The following ADGRB3 variants were observed in gnomAD, a reference collection of about 807,000 sequenced individuals.
ADGRB3 encodes brain-specific angiogenesis inhibitor 3.
Under a neutral mutation model 193.4 loss-of-function variants are expected in ADGRB3, and 37 were observed. That is an observed-to-expected ratio of 0.19 (90% confidence interval 0.15 to 0.25). The LOEUF (loss-of-function observed/expected upper bound fraction) is 0.25. Among genes scored for constraint, ADGRB3 ranks in the 10% least tolerant of loss-of-function variants. The probability of loss-of-function intolerance (pLI) is 1.00; values close to 1 mark genes in which losing one functional copy is unlikely to be tolerated. For missense variants in ADGRB3, 1,637 were observed against 1,852.9 expected (o/e 0.88, Z 2.14); for synonymous variants, 690 against 644.2 (o/e 1.07, Z -1.08).
chr6:69,108,353 T>C (rs1773272107), intron 17 of ADGRB3, among the ~76,000 whole-genome samples: 1 of 151,330 alleles, frequency 6.6e-6, no homozygotes, highest in African/African-American at 2.4e-5. Flanking sequence ...ATTTTAATAT[T>C]AGCTCCATTT....
intron 15 of ADGRB3, among the ~76,000 whole-genome samples, chr6:69,057,627 C>CCTT (rs1477985661): frequency 4.6e-4 from 70 of 151,918 alleles, no homozygotes; most frequent in African/African-American, 1.7e-3. Flanking sequence ...GTTCATTAAG[C>CCTT]GATTTTATCA....
chr6:69,180,609 A>C (rs1561944183), intron 17 of ADGRB3, among the ~76,000 whole-genome samples: 1 of 152,144 alleles, frequency 6.6e-6, no homozygotes, highest in Non-Finnish European at 1.5e-5. Context: ...GGCAACAATG[A>C]CATACACAGA....
At chr6:68,773,727 G>T (rs1258696693) in intron 3 of ADGRB3, among the ~76,000 whole-genome samples, 1 of 152,118 alleles carries the variant, frequency 6.6e-6, no homozygotes, top group African/African-American at 2.4e-5. Flanking sequence ...CAGATTTGGA[G>T]GATCAGGAAA....
At chr6:69,294,675 G>A (rs1484130484) in intron 20 of ADGRB3, among the ~76,000 whole-genome samples, 1 of 152,128 alleles carries the variant, frequency 6.6e-6, no homozygotes, top group East Asian at 1.9e-4. Flanking sequence ...TCCGTGCAGT[G>A]GGGCTGGAAA....
intron 10 of ADGRB3, among the ~76,000 whole-genome samples, chr6:68,978,746 G>A (rs556594646): frequency 2.1e-4 from 32 of 151,486 alleles, no homozygotes; most frequent in African/African-American, 6.5e-4. Context: ...TGGAGACTGT[G>A]CATTTTTCTC....
chr6:68,681,698 G>A (rs1228392459), intron 3 of ADGRB3, among the ~76,000 whole-genome samples: 1 of 151,124 alleles, frequency 6.6e-6, no homozygotes, highest in South Asian at 2.1e-4. Context: ...CTCTACACAA[G>A]CAAATCATAA....
intron 3 of ADGRB3, among the ~76,000 whole-genome samples, chr6:68,642,344 T>A (rs1430891590): frequency 6.6e-6 from 1 of 152,128 alleles, no homozygotes; most frequent in East Asian, 1.9e-4. Flanking sequence ...CCACTGGTAT[T>A]ATGACATAAT....
intron 7 of ADGRB3, 47 bp from the exon 8 acceptor site, chr6:68,956,598 G>T (rs1768083051): frequency 1.2e-6 from 2 of 1,603,446 alleles, no homozygotes; most frequent in African/African-American, 2.7e-5. Flanking sequence ...ATTTTTAAAG[G>T]AGTGTGTGGT....
At chr6:68,708,926 G>T (rs1166762182) in intron 3 of ADGRB3, among the ~76,000 whole-genome samples, 2 of 151,438 alleles carry the variant, frequency 1.3e-5, no homozygotes, top group Non-Finnish European at 2.9e-5. Context: ...TAATAACATT[G>T]AAATCAGAAA....
intron 17 of ADGRB3, among the ~76,000 whole-genome samples, chr6:69,205,369 T>C (rs769446873): frequency 5.4e-5 from 8 of 149,446 alleles, no homozygotes; most frequent in Non-Finnish European, 1.2e-4. Flanking sequence ...GCCACTGATA[T>C]TGTCTTTTCT....
chr6:68,690,963 C>T (rs1379915221), intron 3 of ADGRB3, among the ~76,000 whole-genome samples: 3 of 152,036 alleles, frequency 2.0e-5, no homozygotes, highest in Non-Finnish European at 4.4e-5. Flanking sequence ...TTCATTAAAT[C>T]GGGCCAGTAT....
chr6:68,856,092 G>A (rs1048841951), intron 3 of ADGRB3, among the ~76,000 whole-genome samples: 1 of 152,180 alleles, frequency 6.6e-6, no homozygotes, highest in Non-Finnish European at 1.5e-5. Context: ...CACATAAGTT[G>A]AGACTTGCTC....
intron 3 of ADGRB3, among the ~76,000 whole-genome samples, chr6:68,923,738 G>A (rs1345728817): frequency 6.6e-6 from 1 of 152,002 alleles, no homozygotes; most frequent in African/African-American, 2.4e-5. Context: ...CCTTTTGGTA[G>A]CCCCTATTAA....
At chr6:68,983,992 C>T (rs1223965030) in intron 10 of ADGRB3, among the ~76,000 whole-genome samples, 1 of 152,072 alleles carries the variant, frequency 6.6e-6, no homozygotes, top group Non-Finnish European at 1.5e-5. Context: ...GCGAAAATAA[C>T]ATATGGAAAT....
At chr6:69,179,436 T>C (rs1031965071) in intron 17 of ADGRB3, among the ~76,000 whole-genome samples, 1 of 152,230 alleles carries the variant, frequency 6.6e-6, no homozygotes, top group Admixed American at 6.5e-5. Flanking sequence ...TTGGATCTCA[T>C]TGAGCTTCCT....
intron 17 of ADGRB3, among the ~76,000 whole-genome samples, chr6:69,092,570 A>T (rs1020560879): frequency 4.6e-5 from 7 of 152,206 alleles, no homozygotes; most frequent in African/African-American, 1.7e-4. Context: ...TGTGAAAAAG[A>T]TTTTGTGTGC....
At chr6:68,639,597 G>T (rs549337923) in intron 3 of ADGRB3, among the ~76,000 whole-genome samples, 165 bp downstream of exon 3, 1 of 152,168 alleles carries the variant, frequency 6.6e-6, no homozygotes, top group Non-Finnish European at 1.5e-5. Flanking sequence ...GCTAGTTTTA[G>T]GTTTCAAGGT....
chr6:69,164,839 A>G (rs1383782469), intron 17 of ADGRB3, among the ~76,000 whole-genome samples: 1 of 152,202 alleles, frequency 6.6e-6, no homozygotes, highest in Admixed American at 6.5e-5. Context: ...TGTTTTCTCT[A>G]TTAGTTTCAA....
intron 17 of ADGRB3, among the ~76,000 whole-genome samples, chr6:69,098,143 T>C (rs1037103291): frequency 6.6e-6 from 1 of 152,182 alleles, no homozygotes; most frequent in African/African-American, 2.4e-5. Flanking sequence ...GTTTTACTAC[T>C]TTGATCATAA....
Sources: gnomAD v4.1 joint callset for allele counts (sites outside exome capture counted in the v4.1 genomes callset) on GRCh38, gnomAD v4.1.1 for gene constraint, MANE v1.5 for transcripts, NCBI Gene and HGNC (gene_info 2026-07-23, HGNC 2026-07-21) for gene names.